The following NAV1 variants were observed in gnomAD, a reference collection of about 807,000 sequenced individuals.
NAV1 encodes neuron navigator 1.
In NAV1, 18 loss-of-function variants were observed where a neutral mutation model predicts 175.2. The ratio of observed to expected loss-of-function variants is 0.10; its 90% confidence interval spans 0.07 to 0.15. The LOEUF (loss-of-function observed/expected upper bound fraction) is 0.15. NAV1 is among the 10% of genes least tolerant of loss of function. NAV1 has a pLI of 1.00. For missense variants in NAV1, 1,731 were observed against 2,436.6 expected (o/e 0.71, Z 6.10); for synonymous variants, 897 against 978.7 (o/e 0.92, Z 1.56).
At chr1:201,702,672 TTCTCTCTCTC>T (rs756726434) in intron 1 of NAV1, among the ~76,000 whole-genome samples, 3 of 1,714 alleles carry the variant, frequency 1.8e-3, no homozygotes, top group African/African-American at 2.3e-3. Flanking sequence ...GGTATGTGAA[TTCTCTCTCTC>T]TCTCTCTCTC....
In NAV1 at chr1:201,694,424, C is replaced by T. The variant is rs1190685486; in HGVS notation, c.758-18393C>T. 1.3e-5 allele frequency among the ~76,000 whole-genome samples: 2 copies of T among 152,158 alleles called. No individual in the cohort carries two copies. Among genetic ancestry groups the T allele is most frequent in the South Asian group, 2.1e-4 (1 of 4,826 alleles). ...AGGGTGCCCCCTTTGCGTCCTCTGG[C>T]TCATTAAAGATAGATGACCCTGGGG... On this transcript the variant is annotated intron_variant, in intron 1 of 29. Transcript: ENST00000367296. The surrounding 1 kb of genome is among the most constrained non-coding windows in gnomAD (Gnocchi z 4.2).
At chr1:201,581,808 G>A (rs1457110130) in intron 1 of NAV1, among the ~76,000 whole-genome samples, 2 of 151,898 alleles carry the variant, frequency 1.3e-5, no homozygotes, top group Non-Finnish European at 2.9e-5. Context: ...GAGCCTGGAC[G>A]ATATAGCCAG....
intron 2 of NAV1, among the ~76,000 whole-genome samples, chr1:201,642,186 TTCCC>T (rs1253384292): frequency 1.0e-3 from 145 of 139,352 alleles, no homozygotes; most frequent in Middle Eastern, 3.5e-3. Flanking sequence ...CCTTCCTTCC[TTCCC>T]TCCTTTCTTC....
intron 2 of NAV1, among the ~76,000 whole-genome samples, chr1:201,635,541 A>T (rs924361381): frequency 1.3e-5 from 2 of 152,164 alleles, no homozygotes; most frequent in Admixed American, 1.3e-4. Flanking sequence ...CAGCTCTGGA[A>T]TATGTCTCCC....
chr1:201,629,531 C>G, intron 2 of NAV1, 24 bp downstream of exon 4: 1 of 1,295,270 alleles, frequency 7.7e-7, no homozygotes, highest in Non-Finnish European at 1.0e-6. Flanking sequence ...GGGAGACTTC[C>G]TCCTAGGGTC....
chr1:201,781,630 T>G (rs993231856), intron 5 of NAV1, among the ~76,000 whole-genome samples: 5 of 152,216 alleles, frequency 3.3e-5, no homozygotes, highest in Non-Finnish European at 4.4e-5. Flanking sequence ...ATGCTTGCTT[T>G]CTTCTTTCTC....
exon 1 of NAV1, chr1:201,648,695 G>T: frequency 7.0e-7 from 1 of 1,424,746 alleles, no homozygotes; most frequent in Non-Finnish European, 9.1e-7. Context: ...TCAAGAGCGT[G>T]CAGCCCGAGG....
At chr1:201,665,858 G>A (rs761612561) in intron 1 of NAV1, among the ~76,000 whole-genome samples, 6 of 151,302 alleles carry the variant, frequency 4.0e-5, no homozygotes, top group Non-Finnish European at 5.9e-5. Context: ...ATCTGTGCTA[G>A]TGTTAAAAAA....
intron 3 of NAV1, among the ~76,000 whole-genome samples, chr1:201,732,087 C>G (rs1055537013): frequency 2.0e-5 from 3 of 152,056 alleles, no homozygotes; most frequent in Non-Finnish European, 2.9e-5. Flanking sequence ...TGGAAGGCAA[C>G]AGCTATACAA....
chr1:201,668,082 C>T (rs1202488195), intron 1 of NAV1, among the ~76,000 whole-genome samples: 1 of 152,150 alleles, frequency 6.6e-6, no homozygotes, highest in East Asian at 1.9e-4. Flanking sequence ...TCCTGGGGCC[C>T]GGGACTGCCT....
chr1:201,745,256 A>G (rs1439571072), intron 3 of NAV1, among the ~76,000 whole-genome samples: 1 of 152,180 alleles, frequency 6.6e-6, no homozygotes, highest in African/African-American at 2.4e-5. Flanking sequence ...TCCCTCCCAC[A>G]CACATGCATA....
At chr1:201,577,948 G>A (rs192456772) in intron 1 of NAV1, among the ~76,000 whole-genome samples, 3 of 152,032 alleles carry the variant, frequency 2.0e-5, no homozygotes, top group African/African-American at 7.3e-5. Context: ...TCTTTAACTC[G>A]CAGATGCTTA....
chr1:201,737,739 T>A (rs1029798085), intron 3 of NAV1, among the ~76,000 whole-genome samples: 104 of 152,154 alleles, frequency 6.8e-4, no homozygotes, highest in Non-Finnish European at 1.4e-3. Context: ...AGGCCCTCCC[T>A]GCTGAGAAAA....
At chr1:201,727,991 G>C (rs1672680135) in intron 3 of NAV1, among the ~76,000 whole-genome samples, 1 of 152,168 alleles carries the variant, frequency 6.6e-6, no homozygotes, top group Non-Finnish European at 1.5e-5. Context: ...GTGACTGCAG[G>C]GGGCATAGGT....
chr1:201,687,895 T>C (rs923791788), intron 1 of NAV1, among the ~76,000 whole-genome samples: 4 of 152,166 alleles, frequency 2.6e-5, no homozygotes, highest in Admixed American at 2.6e-4. Context: ...AAGGTTCTCA[T>C]TTTCCCTCCA....
intron 3 of NAV1, chr1:201,723,529 T>C (rs1285164143): frequency 6.6e-6 from 1 of 152,208 alleles, no homozygotes; most frequent in East Asian, 1.9e-4. Context: ...CCATGCAGCT[T>C]TTCCCCTACG....
At chr1:201,615,695 T>G (rs1667983797) in intron 2 of NAV1, among the ~76,000 whole-genome samples, 1 of 152,248 alleles carries the variant, frequency 6.6e-6, no homozygotes, top group Non-Finnish European at 1.5e-5. Context: ...CTCAGAAAAC[T>G]TAACTTTTCT....
At chr1:201,742,482 G>A (rs552078999) in intron 3 of NAV1, among the ~76,000 whole-genome samples, 1 of 152,270 alleles carries the variant, frequency 6.6e-6, no homozygotes, top group Admixed American at 6.5e-5. Flanking sequence ...GTGCCCACAA[G>A]CACTGTTCTT....
chr1:201,678,329 C>T (rs1348876504), intron 1 of NAV1, among the ~76,000 whole-genome samples: 2 of 152,172 alleles, frequency 1.3e-5, no homozygotes, highest in African/African-American at 4.8e-5. Flanking sequence ...TGATAGCGCT[C>T]CAATGGCTGG....
Sources: allele counts gnomAD v4.1 joint callset (sites outside exome capture counted in the v4.1 genomes callset), GRCh38; gene constraint gnomAD v4.1.1; non-coding constraint Gnocchi (gnomAD v3.1); transcripts MANE v1.5; gene names NCBI Gene and HGNC (gene_info 2026-07-23, HGNC 2026-07-21).